Variants in SPIDR observed in about 807,000 individuals in gnomAD.
SPIDR encodes the protein scaffold protein involved in DNA repair.
A neutral mutation model predicts 104.6 loss-of-function variants in SPIDR; 93 were observed. The ratio of observed to expected loss-of-function variants is 0.89; its 90% CI spans 0.75 to 1.06. The LOEUF is 1.06. Among genes scored for constraint, SPIDR ranks in the 50% least tolerant of loss-of-function variants. The probability of loss-of-function intolerance (pLI) is 0.00; values close to 1 mark genes in which losing one functional copy is unlikely to be tolerated. For missense variants in SPIDR, 1,154 were observed against 1,111.2 expected, an observed-to-expected ratio of 1.04 and a Z score of -0.55; for synonymous variants, 431 against 416.9, an observed-to-expected ratio of 1.03 and a Z score of -0.41.
At chr8:47,669,898 G>C (rs979934236) in intron 10 of SPIDR, among the ~76,000 whole-genome samples, 1 of 151,108 alleles carries the variant, frequency 6.6e-6, no homozygotes, top group African/African-American at 2.5e-5. Flanking sequence ...TACTCGGGAG[G>C]CTGAGGCAGG....
chr8:47,551,550 A>G (rs1310828932), intron 8 of SPIDR, among the ~76,000 whole-genome samples: 1 of 152,048 alleles, frequency 6.6e-6, no homozygotes, highest in Non-Finnish European at 1.5e-5. Flanking sequence ...TTTCTAGTTT[A>G]TTTGTGTAGA....
chr8:47,474,215 T>C (rs1380274725), intron 8 of SPIDR, among the ~76,000 whole-genome samples: 4 of 152,242 alleles, frequency 2.6e-5, no homozygotes, highest in African/African-American at 9.6e-5. Context: ...TTTCTATATA[T>C]TTGACCGTGA....
chr8:47,314,742 T>C (rs2044943613), intron 5 of SPIDR, among the ~76,000 whole-genome samples: 1 of 152,186 alleles, frequency 6.6e-6, no homozygotes, highest in Non-Finnish European at 1.5e-5. Flanking sequence ...AGCCAAACCA[T>C]ATCAGGATGT....
intron 10 of SPIDR, among the ~76,000 whole-genome samples, chr8:47,627,723 G>A (rs1048934094): frequency 6.6e-6 from 1 of 151,800 alleles, no homozygotes; most frequent in Non-Finnish European, 1.5e-5. Flanking sequence ...GGTGCTCAGC[G>A]AGTCCCCTGC....
At chr8:47,322,826 A>C (rs541506542) in intron 5 of SPIDR, among the ~76,000 whole-genome samples, 51 of 152,280 alleles carry the variant, frequency 3.3e-4, no homozygotes, top group African/African-American at 1.2e-3. Flanking sequence ...TTCTCAGCAA[A>C]CTATCAGAAG....
At chr8:47,264,060 A>G (rs1282418141) in intron 1 of SPIDR, among the ~76,000 whole-genome samples, 1 of 152,252 alleles carries the variant, frequency 6.6e-6, no homozygotes, top group Non-Finnish European at 1.5e-5. Flanking sequence ...GTGAAGAAAC[A>G]GGAGGAAATA....
At chr8:47,322,849 A>G (rs1163812319) in intron 5 of SPIDR, among the ~76,000 whole-genome samples, 1 of 152,146 alleles carries the variant, frequency 6.6e-6, no homozygotes, top group East Asian at 1.9e-4. Context: ...CAAAAAACCA[A>G]ACAGCGCATG....
intron 8 of SPIDR, among the ~76,000 whole-genome samples, chr8:47,528,769 G>T (rs1202564500): frequency 3.3e-5 from 5 of 150,128 alleles, no homozygotes; most frequent in African/African-American, 1.2e-4. Flanking sequence ...AAAGAAAAAA[G>T]AGTGAAAAAA....
intron 5 of SPIDR, 120 bp from the exon 6 acceptor site, chr8:47,396,256 A>C: frequency 1.2e-6 from 1 of 861,728 alleles, no homozygotes; most frequent in Admixed American, 2.8e-5. Flanking sequence ...TACTGTATTC[A>C]AAAAGGTCCT....
intron 5 of SPIDR, among the ~76,000 whole-genome samples, chr8:47,346,009 A>T (rs545256092): frequency 6.6e-6 from 1 of 152,032 alleles, no homozygotes; most frequent in Admixed American, 6.6e-5. Context: ...TGTTGAATAC[A>T]TGTGGTGAGA....
At chr8:47,300,444 C>CT (rs2041859269) in intron 5 of SPIDR, among the ~76,000 whole-genome samples, 1 of 152,128 alleles carries the variant, frequency 6.6e-6, no homozygotes, top group Admixed American at 6.5e-5. Flanking sequence ...TTTTGTGTCT[C>CT]TATTTCCTTC....
chr8:47,457,930 C>G (rs1554710793), intron 8 of SPIDR, among the ~76,000 whole-genome samples: 2 of 152,150 alleles, frequency 1.3e-5, no homozygotes, highest in African/African-American at 4.8e-5. Context: ...TCTGGGTTCT[C>G]TATTCTGTTC....
At chr8:47,403,950 A>G (rs911854983) in intron 6 of SPIDR, among the ~76,000 whole-genome samples, 33 of 152,212 alleles carry the variant, frequency 2.2e-4, no homozygotes, top group Admixed American at 1.8e-3. Flanking sequence ...ACTTCAAACT[A>G]TACTACAAAG....
chr8:47,691,867 T>G (rs527397678), intron 11 of SPIDR, among the ~76,000 whole-genome samples: 1 of 152,232 alleles, frequency 6.6e-6, no homozygotes, highest in South Asian at 2.1e-4. Flanking sequence ...AAAAGTAGAG[T>G]GCTGAAGCCA....
At chr8:47,558,392 T>C (rs987638190) in intron 8 of SPIDR, among the ~76,000 whole-genome samples, 3 of 152,204 alleles carry the variant, frequency 2.0e-5, no homozygotes, top group Admixed American at 6.5e-5. Flanking sequence ...TTCTAATGTA[T>C]TTTTTTAAAC....
chr8:47,641,215 A>G (rs2068923614), intron 10 of SPIDR, among the ~76,000 whole-genome samples: 1 of 152,010 alleles, frequency 6.6e-6, no homozygotes. Flanking sequence ...ACTGGAGTGC[A>G]GTGACATGAT....
chr8:47,446,349 G>A (rs1279857202), intron 8 of SPIDR, among the ~76,000 whole-genome samples: 9 of 152,100 alleles, frequency 5.9e-5, no homozygotes, highest in African/African-American at 2.2e-4. Flanking sequence ...TTACAGAATG[G>A]CTTAGTGAAT....
chr8:47,689,581 T>A (rs1346586181), intron 11 of SPIDR, among the ~76,000 whole-genome samples: 1 of 152,204 alleles, frequency 6.6e-6, no homozygotes, highest in Non-Finnish European at 1.5e-5. Context: ...TTCACATGGC[T>A]CCCAAGCAAA....
chr8:47,426,218 C>T (rs957730475), intron 7 of SPIDR, among the ~76,000 whole-genome samples: 1 of 152,104 alleles, frequency 6.6e-6, no homozygotes, highest in Non-Finnish European at 1.5e-5. Flanking sequence ...CATGCCATTG[C>T]ACTACAGCCT....
Sources: allele counts gnomAD v4.1 joint callset (sites outside exome capture counted in the v4.1 genomes callset), GRCh38; gene constraint gnomAD v4.1.1; transcripts MANE v1.5; gene names NCBI Gene and HGNC (gene_info 2026-07-23, HGNC 2026-07-21).